Variants in LRP1B observed in about 807,000 individuals in gnomAD.
LRP1B encodes LDL receptor related protein 1B.
Under a neutral mutation model 556.6 loss-of-function variants are expected in LRP1B, and 217 were observed. That is an observed-to-expected ratio of 0.39 (90% CI 0.35 to 0.44). The LOEUF is 0.44. Among genes scored for constraint, LRP1B ranks in the 20% least tolerant of loss-of-function variants. LRP1B has a pLI of 1.00. For missense variants in LRP1B, 5,053 were observed against 5,620.8 expected, an observed-to-expected ratio of 0.90 and a Z score of 3.23; for synonymous variants, 2,047 against 1,865.8, an observed-to-expected ratio of 1.10 and a Z score of -2.50.
intron 1 of LRP1B, among the ~76,000 whole-genome samples, chr2:141,954,773 C>T (rs571101666): frequency 4.6e-5 from 7 of 152,018 alleles, no homozygotes; most frequent in Non-Finnish European, 8.8e-5. Context: ...TTATTCATAG[C>T]TCAAAGTTTT....
chr2:141,959,448 G>A (rs528269724), intron 1 of LRP1B, among the ~76,000 whole-genome samples: 1 of 151,998 alleles, frequency 6.6e-6, no homozygotes, highest in South Asian at 2.1e-4. Context: ...CGTCAATCTA[G>A]TCATTTTCTA....
intron 20 of LRP1B, among the ~76,000 whole-genome samples, chr2:140,937,060 A>G (rs1388037508): frequency 6.6e-6 from 1 of 152,152 alleles, no homozygotes; most frequent in Non-Finnish European, 1.5e-5. Flanking sequence ...AGGATGTTAA[A>G]TGTAATCCCA....
intron 2 of LRP1B, among the ~76,000 whole-genome samples, chr2:141,672,533 T>C (rs6717247): frequency 0.23 from 35,252 of 152,060 alleles, 4,674 homozygotes; most frequent in East Asian, 0.51. Context: ...TTATAATGTT[T>C]GGGTGTCATG....
chr2:140,597,015 A>C (rs1000693917), intron 43 of LRP1B, among the ~76,000 whole-genome samples: 2 of 152,204 alleles, frequency 1.3e-5, no homozygotes, highest in Admixed American at 6.5e-5. Flanking sequence ...TAGTCCCTAA[A>C]TTAACTTTTG....
rs562056120 is a variant in LRP1B, at chr2:140,997,591, C to T, written c.2504-3456G>A. 3.3e-5 allele frequency among the ~76,000 whole-genome samples: 5 copies of T among 151,966 alleles called. No homozygotes were observed. In the East Asian group the frequency reaches 5.8e-4, roughly 18 times the overall value. ...TCAATTGATGCTTTGCTGTCAACTG[C>T]ATCAGAATTATAACTTAGTCATAAT... is the stretch of plus-strand genomic sequence containing the variant. On this transcript the variant is annotated intron_variant, in intron 15 of 90. Transcript: ENST00000389484.
chr2:140,857,520 C>T lies in LRP1B; in HGVS notation c.4580-5737G>A, dbSNP rs140647429. ...AAGTTTAACATTTCACATTGAAGAA[C>T]TTGAGTGAATTCCTTATTTAAAATA... On this transcript the variant is annotated intron_variant, in intron 27 of 90. Transcript: ENST00000389484. Among the ~76,000 whole-genome samples the T allele has an allele frequency of 5.7e-3, 873 of 152,174 alleles. 6 individuals carry two copies. Among genetic ancestry groups the T allele is most frequent in the African/African-American group, 0.02 (849 of 41,532 alleles).
intron 1 of LRP1B, among the ~76,000 whole-genome samples, chr2:141,913,372 A>T (rs1227967361): frequency 2.0e-5 from 3 of 152,148 alleles, no homozygotes; most frequent in Non-Finnish European, 4.4e-5. Context: ...AACATAAATG[A>T]ATGTATGTAT....
At chr2:140,478,144 C>CTTTTTTTTTTTTTTTTTTTTTTTTTT (rs35948232) in intron 59 of LRP1B, among the ~76,000 whole-genome samples, 1 of 62,780 alleles carries the variant, frequency 1.6e-5, no homozygotes, top group African/African-American at 5.7e-5. Flanking sequence ...TATAACTTAA[C>CTTTTTTTTTTTTTTTTTTTTTTTTTT]TTTTTTTTTT....
intron 2 of LRP1B, among the ~76,000 whole-genome samples, chr2:141,802,803 G>A (rs777460279): frequency 6.6e-6 from 1 of 152,064 alleles, no homozygotes; most frequent in South Asian, 2.1e-4. Context: ...CACATGAAAG[G>A]TAAGAAGCCT....
intron 18 of LRP1B, among the ~76,000 whole-genome samples, chr2:140,979,590 C>A (rs1558778680): frequency 6.6e-6 from 1 of 152,028 alleles, no homozygotes; most frequent in Non-Finnish European, 1.5e-5. Context: ...TTACAGCACA[C>A]AAATAGGCAA....
chr2:141,416,399 C>T (rs1691101522), intron 3 of LRP1B, among the ~76,000 whole-genome samples: 1 of 150,290 alleles, frequency 6.7e-6, no homozygotes, highest in Non-Finnish European at 1.5e-5. Flanking sequence ...ACATAAGCTG[C>T]TTAGCACAAC....
At chr2:140,823,488 C>T (rs757026847) in intron 31 of LRP1B, among the ~76,000 whole-genome samples, 51 of 152,024 alleles carry the variant, frequency 3.4e-4, no homozygotes, top group Non-Finnish European at 5.6e-4. Flanking sequence ...ATCATGTATG[C>T]CAGCAACAAT....
At chr2:141,926,171 G>A (rs1700330247) in intron 1 of LRP1B, among the ~76,000 whole-genome samples, 1 of 152,152 alleles carries the variant, frequency 6.6e-6, no homozygotes, top group African/African-American at 2.4e-5. Flanking sequence ...TACATGAAGA[G>A]TGTTAATAAA....
chr2:142,072,266 A>T (rs1053488264), intron 1 of LRP1B, among the ~76,000 whole-genome samples: 7 of 151,982 alleles, frequency 4.6e-5, no homozygotes, highest in African/African-American at 1.7e-4. Flanking sequence ...GTACTAGGTA[A>T]GTTTTTCTTA....
At chr2:140,656,617 T>G (rs1445113445) in intron 41 of LRP1B, among the ~76,000 whole-genome samples, 1 of 152,200 alleles carries the variant, frequency 6.6e-6, no homozygotes, top group Non-Finnish European at 1.5e-5. Flanking sequence ...TTAAACCATT[T>G]GTAATTTTGC....
chr2:141,424,976 T>A (rs868514653), intron 3 of LRP1B, among the ~76,000 whole-genome samples: 1 of 152,050 alleles, frequency 6.6e-6, no homozygotes, highest in African/African-American at 2.4e-5. Flanking sequence ...TGTGCAGGTT[T>A]GTTACATATG....
At chr2:140,817,060 CA>C (rs543203974) in intron 31 of LRP1B, among the ~76,000 whole-genome samples, 54 of 152,146 alleles carry the variant, frequency 3.5e-4, no homozygotes, top group African/African-American at 1.3e-3. Context: ...AATCAATACC[CA>C]TGAGAAAACA....
intron 2 of LRP1B, among the ~76,000 whole-genome samples, chr2:141,656,488 A>G (rs1690014331): frequency 1.3e-5 from 2 of 152,160 alleles, no homozygotes; most frequent in South Asian, 4.1e-4. Flanking sequence ...TTATGATATT[A>G]TAAATAATCA....
intron 11 of LRP1B, among the ~76,000 whole-genome samples, chr2:141,038,749 AG>A (rs1462169268): frequency 6.6e-6 from 1 of 152,130 alleles, no homozygotes; most frequent in African/African-American, 2.4e-5. Flanking sequence ...TTGTAGTTAA[AG>A]TTCATAATAG....
Sources: gnomAD v4.1 joint callset for allele counts (sites outside exome capture counted in the v4.1 genomes callset) on GRCh38, gnomAD v4.1.1 for gene constraint, MANE v1.5 for transcripts, NCBI Gene and HGNC (gene_info 2026-07-23, HGNC 2026-07-21) for gene names.